The following DTNA variants were observed in gnomAD, a reference collection of about 807,000 sequenced individuals.
DTNA encodes the protein dystrophin-related protein 3.
A neutral mutation model predicts 100.7 loss-of-function variants in DTNA; 43 were observed. That is an observed-to-expected ratio of 0.43 (90% CI 0.33 to 0.55). DTNA has a LOEUF of 0.55. Ranked by LOEUF, DTNA falls within the 20% of genes least tolerant of loss-of-function variation. The probability of loss-of-function intolerance (pLI) is 0.04; values close to 1 mark genes in which losing one functional copy is unlikely to be tolerated. For synonymous variants in DTNA, 349 were observed against 347.9 expected (o/e 1.00, Z -0.04); for missense variants, 798 against 953.9 (o/e 0.84, Z 2.15).
intron 6 of DTNA, among the ~76,000 whole-genome samples, chr18:34,813,659 C>T (rs2095532002): frequency 6.6e-6 from 1 of 151,940 alleles, no homozygotes; most frequent in Non-Finnish European, 1.5e-5. Context: ...TTGAGACCAG[C>T]CTGTCCAATA....
intron 20 of DTNA, among the ~76,000 whole-genome samples, chr18:34,880,203 G>A (rs62097232): frequency 1.3e-5 from 2 of 152,196 alleles, no homozygotes; most frequent in Non-Finnish European, 2.9e-5. Flanking sequence ...AAGAAATCCA[G>A]TTTGGTTGAC....
intron 1 of DTNA, among the ~76,000 whole-genome samples, chr18:34,577,621 C>T (rs1223810027): frequency 1.3e-5 from 2 of 152,076 alleles, no homozygotes; most frequent in Non-Finnish European, 2.9e-5. Flanking sequence ...CAAAGTCCAT[C>T]GTGTCATTCT....
intron 2 of DTNA, among the ~76,000 whole-genome samples, chr18:34,763,173 A>T (rs1291447694): frequency 6.6e-6 from 1 of 152,232 alleles, no homozygotes; most frequent in East Asian, 1.9e-4. Context: ...ATTTACAGAT[A>T]TTGAGACTCT....
chr18:34,767,266 G>A (rs1174747278), intron 3 of DTNA, among the ~76,000 whole-genome samples: 1 of 152,076 alleles, frequency 6.6e-6, no homozygotes, highest in Non-Finnish European at 1.5e-5. Context: ...AGAGTCTCTA[G>A]AAGATGTTTC....
chr18:34,573,768 G>A (rs1468994518), intron 1 of DTNA, among the ~76,000 whole-genome samples: 1 of 152,174 alleles, frequency 6.6e-6, no homozygotes, highest in East Asian at 1.9e-4. Context: ...ACTAACTACA[G>A]CCACCATGTT....
chr18:34,534,808 C>G (rs758944018), intron 1 of DTNA, among the ~76,000 whole-genome samples: 1 of 152,220 alleles, frequency 6.6e-6, no homozygotes, highest in Non-Finnish European at 1.5e-5. Context: ...CATATCCCTG[C>G]AAAGGACATG....
At position 34,756,004 on chromosome 18, in the gene DTNA, A is replaced by G. The variant is rs1348145738; in HGVS notation, c.28A>G (p.Asn10Asp). The change falls in exon 2 of 23, where the codon AAT becomes GAT. Residue 10 changes from asparagine (N) to aspartate (D), a missense_variant. By Grantham distance (23) the Asn-to-Asp change is conservative (BLOSUM62 1). Transcript: ENST00000444659. MIEDSGKRG[N>D]TMAERRQLFA... Reference sequence around the variant, plus strand: ...GATTGAAGATAGTGGGAAAAGAGGAAATACCATGGCAGAAAGAAGACAGCT... The same window carrying G: ...GATTGAAGATAGTGGGAAAAGAGGAGATACCATGGCAGAAAGAAGACAGCT... 6.2e-7 allele frequency: 1 copy of G among 1,613,456 alleles called. No homozygotes were observed. The highest frequency in any genetic ancestry group is 1.1e-5 in the South Asian group (1 of 91,068).
intron 9 of DTNA, 126 bp downstream of exon 9, chr18:34,821,041 G>A: frequency 7.3e-7 from 1 of 1,371,214 alleles, no homozygotes; most frequent in East Asian, 2.5e-5. Context: ...AAAAAAAAAA[G>A]TCAGAGTAAT....
At chr18:34,792,249 C>T (rs1285572920) in intron 3 of DTNA, among the ~76,000 whole-genome samples, 1 of 152,158 alleles carries the variant, frequency 6.6e-6, no homozygotes, top group African/African-American at 2.4e-5. Context: ...CTCTCTCTCT[C>T]TTAGGGTTCT....
chr18:34,886,915 G>A (rs896836161), intron 22 of DTNA, among the ~76,000 whole-genome samples: 3 of 152,162 alleles, frequency 2.0e-5, no homozygotes, highest in African/African-American at 4.8e-5. Context: ...GTGCATTTTA[G>A]GCCAGTTTAT....
At chr18:34,498,527 T>G (rs994254039) in intron 1 of DTNA, among the ~76,000 whole-genome samples, 3 of 151,508 alleles carry the variant, frequency 2.0e-5, no homozygotes, top group Non-Finnish European at 2.9e-5. Context: ...AAAAGTAGAC[T>G]TATCAATAAC....
At chr18:34,687,811 C>G (rs1216394203) in intron 1 of DTNA, among the ~76,000 whole-genome samples, 1 of 152,292 alleles carries the variant, frequency 6.6e-6, no homozygotes, top group East Asian at 1.9e-4. Context: ...CTTTATGAAT[C>G]TGGATGCTCC....
chr18:34,774,715 A>G (rs929238656), intron 3 of DTNA, among the ~76,000 whole-genome samples: 2 of 152,188 alleles, frequency 1.3e-5, no homozygotes, highest in African/African-American at 4.8e-5. Context: ...TTCATTTTCA[A>G]TATATCACTC....
At chr18:34,546,985 A>G (rs983207075) in intron 1 of DTNA, among the ~76,000 whole-genome samples, 5 of 151,952 alleles carry the variant, frequency 3.3e-5, no homozygotes, top group African/African-American at 1.2e-4. Flanking sequence ...GGCATTACAG[A>G]TGTGAGCCAC....
chr18:34,687,511 T>C (rs2079078468), intron 1 of DTNA, among the ~76,000 whole-genome samples: 1 of 152,210 alleles, frequency 6.6e-6, no homozygotes, highest in African/African-American at 2.4e-5. Context: ...AGAGACTGTT[T>C]GTTATGATTT....
intron 3 of DTNA, among the ~76,000 whole-genome samples, chr18:34,782,981 T>G (rs547853003): frequency 2.6e-5 from 4 of 152,346 alleles, no homozygotes; most frequent in Middle Eastern, 6.8e-3. Context: ...ACATTAAAGA[T>G]GTGAGCTCTA....
rs141607352 is a variant in DTNA, at chr18:34,500,550, G to A, written c.-2+7036G>A. Among the ~76,000 whole-genome samples the A allele has an allele frequency of 5.1e-3, 778 of 151,254 alleles. 9 individuals carry two copies. Among genetic ancestry groups the A allele is most frequent in the African/African-American group, 0.017 (718 of 41,144 alleles). ...ACGATCTATGCCCACTGCAACCTCC[G>A]CCTCCCCGATTCAAGCAGTTCTCCT... On this transcript the variant is annotated intron_variant, in intron 1 of 19. Transcript: ENST00000283365.
chr18:34,838,608 C>T, intron 12 of DTNA, 137 bp from the exon 13 acceptor site: 2 of 733,418 alleles, frequency 2.7e-6, no homozygotes, highest in South Asian at 1.4e-5. Flanking sequence ...TTTTTCATAG[C>T]ACATCACTTA....
chr18:34,647,710 A>G (rs532386647), intron 1 of DTNA, among the ~76,000 whole-genome samples: 8 of 152,312 alleles, frequency 5.3e-5, no homozygotes, highest in African/African-American at 9.6e-5. Context: ...CTTTTGTATG[A>G]TTTGGTCTCA....
Sources: allele counts gnomAD v4.1 joint callset (sites outside exome capture counted in the v4.1 genomes callset), GRCh38; gene constraint gnomAD v4.1.1; transcripts MANE v1.5; gene names NCBI Gene and HGNC (gene_info 2026-07-23, HGNC 2026-07-21).